The following SASH1 variants were observed in gnomAD, a reference collection of about 807,000 sequenced individuals.
SASH1 encodes SAM and SH3 domain containing 1.
A neutral mutation model predicts 125.2 loss-of-function variants in SASH1; 44 were observed. The observed-to-expected ratio is 0.35, with a 90% CI of 0.28 to 0.45. The LOEUF (loss-of-function observed/expected upper bound fraction) is 0.45, where lower values mean the gene tolerates loss of function less well. Among genes scored for constraint, SASH1 ranks in the 20% least tolerant of loss-of-function variants. The pLI, the probability that SASH1 is intolerant of heterozygous loss-of-function variation, is 1.00. For missense variants in SASH1, 1,426 were observed against 1,614.5 expected (o/e 0.88, Z 2.00); for synonymous variants, 639 against 649.1 (o/e 0.98, Z 0.24).
chr6:148,277,953 G>A (rs1562302277), intron 1 of SASH1, among the ~76,000 whole-genome samples: 1 of 152,194 alleles, frequency 6.6e-6, no homozygotes, highest in Non-Finnish European at 1.5e-5. Context: ...CTGACCTCGT[G>A]ATTCGCCTGC....
At chr6:148,239,936 T>A in the SASH1 span, 1 of 152,250 alleles carries the variant, frequency 6.6e-6, no homozygotes, top group Non-Finnish European at 1.5e-5. Context: ...AGTGTCAGTG[T>A]TGACCAGTGC....
At chr6:148,281,549 C>T (rs889088439) in intron 1 of SASH1, among the ~76,000 whole-genome samples, 1 of 152,122 alleles carries the variant, frequency 6.6e-6, no homozygotes, top group African/African-American at 2.4e-5. Context: ...ACTTCAGCCT[C>T]CTGTGAGGTG....
chr6:148,300,541 C>T (rs183114190), intron 1 of SASH1, among the ~76,000 whole-genome samples: 4 of 150,312 alleles, frequency 2.7e-5, no homozygotes, highest in Admixed American at 1.3e-4. Context: ...CTCTGCCTCC[C>T]GGGTTCCAGT....
intron 1 of SASH1, among the ~76,000 whole-genome samples, chr6:148,387,975 G>A (rs1289636827): frequency 7.4e-6 from 1 of 134,880 alleles, no homozygotes; most frequent in Non-Finnish European, 1.5e-5. Context: ...GAGTGCAATG[G>A]CACAATCCTG....
chr6:148,453,465 G>T (rs1197198397), intron 4 of SASH1, among the ~76,000 whole-genome samples: 1 of 152,152 alleles, frequency 6.6e-6, no homozygotes, highest in Non-Finnish European at 1.5e-5. Context: ...GTATTCTACA[G>T]TTAAGGAAAC....
intron 4 of SASH1, among the ~76,000 whole-genome samples, chr6:148,464,651 G>T (rs1777756013): frequency 6.6e-6 from 1 of 152,164 alleles, no homozygotes; most frequent in Non-Finnish European, 1.5e-5. Flanking sequence ...CCTGCTGGAT[G>T]AATTGTAATA....
At position 148,551,018 on chromosome 6, in the gene SASH1, A is replaced by G. The variant is rs140285704; in HGVS notation, c.*2460A>G. 1.3e-5 allele frequency: 2 copies of G among 152,672 alleles called. No homozygotes were observed. The highest frequency in any genetic ancestry group is 2.9e-5 in the Non-Finnish European group (2 of 68,046). The allele number at this position is 152,672 out of a possible 1,614,324, so 9.5% of individuals were successfully genotyped here. On this transcript the variant is annotated 3_prime_UTR_variant, in exon 20 of 20. Transcript: ENST00000367467. ...TTTTATCACACTTCTTTGGAAATCA[A>G]TGCCTTTGCATAGAAAATCAAATTC...
At chr6:148,238,234 T>G in the SASH1 span, among the ~76,000 whole-genome samples, 1 of 152,122 alleles carries the variant, frequency 6.6e-6, no homozygotes, top group African/African-American at 2.4e-5. Flanking sequence ...TTTATTTTAT[T>G]TATTTTTGAG....
intron 2 of SASH1, among the ~76,000 whole-genome samples, chr6:148,428,833 C>T (rs1775937057): frequency 6.6e-6 from 1 of 152,070 alleles, no homozygotes; most frequent in African/African-American, 2.4e-5. Flanking sequence ...AAAAATTTCC[C>T]CCTTAGAACC....
At chr6:148,447,220 G>A (rs894203313) in intron 4 of SASH1, among the ~76,000 whole-genome samples, 1 of 151,858 alleles carries the variant, frequency 6.6e-6, no homozygotes, top group Non-Finnish European at 1.5e-5. Flanking sequence ...CATTATCTGT[G>A]GCTACACTTG....
intron 1 of SASH1, among the ~76,000 whole-genome samples, chr6:148,327,430 G>A (rs1442710150): frequency 1.3e-5 from 2 of 151,374 alleles, no homozygotes; most frequent in South Asian, 2.1e-4. Flanking sequence ...GACCATAGGC[G>A]CCTGCCACCA....
At chr6:148,464,684 A>G (rs1009091772) in intron 4 of SASH1, among the ~76,000 whole-genome samples, 1 of 152,144 alleles carries the variant, frequency 6.6e-6, no homozygotes, top group Non-Finnish European at 1.5e-5. Context: ...GAGAAAGGAG[A>G]TGGCATTTTG....
At chr6:148,461,823 A>C (rs530283600) in intron 4 of SASH1, among the ~76,000 whole-genome samples, 6 of 152,242 alleles carry the variant, frequency 3.9e-5, no homozygotes, top group Non-Finnish European at 7.3e-5. Flanking sequence ...AAAGGATAGA[A>C]AGAAATATTA....
intron 1 of SASH1, among the ~76,000 whole-genome samples, chr6:148,279,132 C>T (rs906566725): frequency 3.3e-5 from 5 of 152,086 alleles, no homozygotes; most frequent in African/African-American, 1.2e-4. Context: ...GCTGGGACTA[C>T]AGGCGCATGC....
At chr6:148,435,513 A>G (rs921226992) in intron 2 of SASH1, among the ~76,000 whole-genome samples, 52 of 152,160 alleles carry the variant, frequency 3.4e-4, no homozygotes, top group Admixed American at 2.7e-3. Context: ...TAGATGGAGT[A>G]TCTAAATTTC....
At chr6:148,421,174 AAAG>A (rs1562396552) in intron 2 of SASH1, among the ~76,000 whole-genome samples, 3 of 144,056 alleles carry the variant, frequency 2.1e-5, no homozygotes, top group Non-Finnish European at 3.1e-5. Context: ...AGAAAGAAAG[AAAG>A]AAAGAAAGAA....
chr6:148,399,214 C>CTTTTTTTTTTTTTTTTTTTTTT (rs371374910), intron 2 of SASH1, among the ~76,000 whole-genome samples: 11 of 106,674 alleles, frequency 1.0e-4, no homozygotes, highest in Non-Finnish European at 1.5e-4. Context: ...ATTTCAGCTT[C>CTTTTTTTTTTTTTTTTTTTTTT]TTTTTTTTTT....
chr6:148,445,637 CT>C (rs1223975615), intron 4 of SASH1, among the ~76,000 whole-genome samples: 1 of 152,136 alleles, frequency 6.6e-6, no homozygotes, highest in Non-Finnish European at 1.5e-5. Flanking sequence ...CTTTTTTCTT[CT>C]TTCTTTTTCT....
chr6:148,373,809 A>G (rs1782786998), intron 1 of SASH1, among the ~76,000 whole-genome samples: 1 of 152,204 alleles, frequency 6.6e-6, no homozygotes, highest in Non-Finnish European at 1.5e-5. Context: ...CATCTCCACT[A>G]AAAATACAAA....
Sources: gnomAD v4.1 joint callset for allele counts (sites outside exome capture counted in the v4.1 genomes callset) on GRCh38, gnomAD v4.1.1 for gene constraint, MANE v1.5 for transcripts, NCBI Gene and HGNC (gene_info 2026-07-23, HGNC 2026-07-21) for gene names.